Variants in HCFC2 observed in about 807,000 individuals in gnomAD.
HCFC2 encodes host cell factor 2.
A neutral mutation model predicts 89.2 loss-of-function variants in HCFC2; 18 were observed. That is an observed-to-expected ratio of 0.20 (90% CI 0.14 to 0.30). HCFC2 has a LOEUF of 0.30. Among genes scored for constraint, HCFC2 ranks in the 10% least tolerant of loss-of-function variants. HCFC2 has a pLI of 1.00. For missense variants in HCFC2, 578 were observed against 956.1 expected, an observed-to-expected ratio of 0.60 and a Z score of 5.21; for synonymous variants, 308 against 335.7, an observed-to-expected ratio of 0.92 and a Z score of 0.90.
intron 7 of HCFC2, among the ~76,000 whole-genome samples, chr12:104,084,296 G>A (rs1201280665): frequency 6.6e-6 from 1 of 152,190 alleles, no homozygotes; most frequent in Non-Finnish European, 1.5e-5. Flanking sequence ...TGAGATAGTG[G>A]TGTTAGGTAT....
intron 8 of HCFC2, among the ~76,000 whole-genome samples, chr12:104,087,413 G>A (rs1446977159): frequency 5.9e-4 from 3 of 5,082 alleles, no homozygotes; most frequent in African/African-American, 8.2e-4. Context: ...TGCAGTACGT[G>A]TGTGTGTGTG....
chr12:104,101,616 C>G (rs2029941349), intron 13 of HCFC2, among the ~76,000 whole-genome samples: 1 of 152,174 alleles, frequency 6.6e-6, no homozygotes, highest in Non-Finnish European at 1.5e-5. Flanking sequence ...ATTTCTGCTT[C>G]AAGATAAGTT....
rs761768406 is a variant in HCFC2 at position 104,103,001 on chromosome 12, C to G, written c.2107C>G (p.Pro703Ala). ...CCTTTCCTGGGAACCTCCAACCTCACCTTCTGGAAATATTTTGGAATATTC... is the reference window on the plus strand; with the variant it reads ...CCTTTCCTGGGAACCTCCAACCTCAGCTTCTGGAAATATTTTGGAATATTC... The part of the protein sequence containing the change: ...IHLSWEPPTS[P>A]SGNILEYSAY... Residue 703 changes from proline (P) to alanine (A), a missense_variant, in exon 15 of 15, where the codon CCT becomes GCT. Pro to Ala is a conservative substitution (Grantham distance 27, BLOSUM62 -1). Transcript: ENST00000229330. 6.2e-7 allele frequency: 1 copy of G among 1,612,418 alleles called. No homozygotes were observed.
At position 104,086,981 on chromosome 12, in the gene HCFC2, T is replaced by A. The variant is rs1409755178; in HGVS notation, c.1198T>A (p.Ser400Thr). The A allele has an allele frequency of 6.2e-7, 1 of 1,613,998 alleles. No homozygotes were observed. Among genetic ancestry groups the A allele is most frequent in the African/African-American group, 1.3e-5 (1 of 75,044 alleles). Residue 400 changes from serine to threonine, a missense_variant, in exon 8 of 15, where the codon TCA becomes ACA. By Grantham distance (58) the Ser-to-Thr change is moderately conservative. Around this residue, in one of 4 missense-constraint regions of HCFC2, gnomAD observed 210 missense variants for 251.7 expected, o/e 0.83. Transcript: ENST00000229330. ...TACAGACTTGCCATACCAAGCTGCA[T>A]CATCAGATTCTTCAGCAGCACCAAA... ...LSTDLPYQAASSDSSAAPNMQ... is the reference protein window; with the variant it reads ...LSTDLPYQAATSDSSAAPNMQ...
At chr12:104,079,242 G>C (rs545292272) in intron 3 of HCFC2, among the ~76,000 whole-genome samples, 3 of 152,258 alleles carry the variant, frequency 2.0e-5, no homozygotes, top group African/African-American at 7.2e-5. Context: ...TCACTACTGA[G>C]CCCCAGAAGA....
intron 9 of HCFC2, 22 bp downstream of exon 9, chr12:104,088,060 G>A (rs1883919532): frequency 6.4e-7 from 1 of 1,550,718 alleles, no homozygotes; most frequent in Non-Finnish European, 8.9e-7. Context: ...AGTGTATGAA[G>A]GTAATTGGAT....
In HCFC2 at chr12:104,068,765, T is replaced by C. The variant is rs1883227075; in HGVS notation, c.473+658T>C. On this transcript the variant is annotated intron_variant, in intron 3 of 14. Coordinates refer to ENST00000229330, the MANE Select transcript of HCFC2 (RefSeq NM_013320.3). This position sits in a 1 kb window ranked among gnomAD's most constrained non-coding sequence, Gnocchi z 4.1. ...TGGCACAGATTGTAAATAATGGGGC[T>C]ATCTACATTGTTGACCCCTATTATA... is the stretch of plus-strand genomic sequence containing the variant. 6.6e-6 allele frequency among the ~76,000 whole-genome samples: 1 copy of C among 152,228 alleles called. No individual in the cohort carries two copies. The highest frequency in any genetic ancestry group is 6.5e-5 in the Admixed American group (1 of 15,280).
chr12:104,071,406 C>A (rs1456511892), intron 3 of HCFC2, among the ~76,000 whole-genome samples: 1 of 152,182 alleles, frequency 6.6e-6, no homozygotes, highest in African/African-American at 2.4e-5. Context: ...CGGTTACATA[C>A]AATGCTTTTT....
At chr12:104,076,175 G>A (rs1293270126) in intron 3 of HCFC2, among the ~76,000 whole-genome samples, 1 of 152,170 alleles carries the variant, frequency 6.6e-6, no homozygotes, top group Non-Finnish European at 1.5e-5. Flanking sequence ...TTAGAGATGT[G>A]TTCTTGCTAT....
At position 104,096,488 on chromosome 12, in the gene HCFC2, A is replaced by G. The variant is rs949832193; in HGVS notation, c.1740+55A>G. ...TTTACACATGATTATGTACTTTTAAATGCTGAGCAACTTCTAAATAATTTC... is the reference window on the plus strand; with the variant it reads ...TTTACACATGATTATGTACTTTTAAGTGCTGAGCAACTTCTAAATAATTTC... On this transcript the variant is annotated intron_variant, in intron 12 of 14. Coordinates refer to ENST00000229330, the MANE Select transcript of HCFC2 (RefSeq NM_013320.3). The G allele has an allele frequency of 3.4e-6, 4 of 1,177,004 alleles. No individual in the cohort carries two copies. The African/African-American group carries it at 6.0e-5, about 18-fold the overall frequency. 72.9% of individuals were successfully genotyped at this position (1,177,004 alleles called of 1,614,324 possible). A position where few individuals can be genotyped will look rare whatever the true frequency, so the allele number is the denominator to read the frequency against.
chr12:104,075,578 C>T (rs183916942), intron 3 of HCFC2, among the ~76,000 whole-genome samples: 8 of 151,820 alleles, frequency 5.3e-5, no homozygotes, highest in African/African-American at 1.9e-4. Context: ...CCCACCTCAG[C>T]CTTCTGAGTA....
In HCFC2 at chr12:104,096,323, TATG is replaced by T. The variant is rs754074182; in HGVS notation, c.1667-36_1667-34del. 68 of 1,384,222 alleles carry T rather than the reference TATG, an allele frequency of 4.9e-5. 1 individual carries two copies. In the South Asian group the frequency reaches 9.1e-4, roughly 18 times the overall value. 85.7% of individuals were successfully genotyped at this position (1,384,222 alleles called of 1,614,324 possible). On this transcript the variant is annotated intron_variant, in intron 11 of 14. Coordinates refer to ENST00000229330, the MANE Select transcript of HCFC2 (RefSeq NM_013320.3). ...TTATATTTTAATGTATCTGATAAGT[TATG>T]TAAATCTTATCTGATAAATTGTTTA...
chr12:104,098,621 GTAAAATT>G, intron 13 of HCFC2, 141 bp downstream of exon 13: 1 of 776,434 alleles, frequency 1.3e-6, no homozygotes. Flanking sequence ...ACTTGAATGA[GTAAAATT>G]GGGATCCATC....
Position 104,066,113 on chromosome 12 carries a change from TATATG to T in HCFC2, c.164-50_164-46del. ...ATTGATGATATATATTTGCTGATAG[TATATG>T]ATAACCGTTGTTTGTTATAATCGGT... On this transcript the variant is annotated intron_variant, in intron 1 of 14. Transcript: ENST00000229330. 2.6e-6 allele frequency: 4 copies of T among 1,539,630 alleles called. No individual in the cohort carries two copies. The South Asian group carries it at 4.6e-5, about 18-fold the overall frequency.
At chr12:104,084,191 T>C (rs1593601373) in intron 7 of HCFC2, among the ~76,000 whole-genome samples, 1 of 152,300 alleles carries the variant, frequency 6.6e-6, no homozygotes, top group East Asian at 1.9e-4. Context: ...CACAAAGAAC[T>C]TACATTCTGA....
intron 5 of HCFC2, 50 bp downstream of exon 5, chr12:104,080,880 TAAG>T (rs1883662500): frequency 1.7e-6 from 2 of 1,171,958 alleles, no homozygotes; most frequent in Non-Finnish European, 2.5e-6. Context: ...AAAAACAACT[TAAG>T]AAGCACACAA....
intron 4 of HCFC2, among the ~76,000 whole-genome samples, chr12:104,080,034 A>T (rs1418083581): frequency 1.3e-5 from 2 of 152,196 alleles, no homozygotes; most frequent in Non-Finnish European, 1.5e-5. Flanking sequence ...AGCATTAACA[A>T]TGTTATTCGT....
intron 13 of HCFC2, among the ~76,000 whole-genome samples, chr12:104,099,335 A>G (rs758137588): frequency 4.3e-4 from 65 of 152,154 alleles, no homozygotes; most frequent in Non-Finnish European, 6.5e-4. Context: ...AAGGATTACA[A>G]TTCTACATGA....
Position 104,080,786 on chromosome 12 carries a change from G to A in HCFC2, c.723G>A (p.Val241=), listed in dbSNP as rs1320246417. ...CAAAACCAGAAACTAAAGGGACAGT[G>A]CCACTTCCACGAAGCCTTCATACAG... ...SWSKPETKGT[V]PLPRSLHTAS... Residue 241 remains valine (V), a synonymous_variant, in exon 5 of 15, where the codon GTG becomes GTA. Transcript: ENST00000229330. The A allele has an allele frequency of 4.3e-6, 7 of 1,610,258 alleles. No individual in the cohort carries two copies. The highest frequency in any genetic ancestry group is 3.3e-4 in the Middle Eastern group (2 of 6,050).
Sources: gnomAD v4.1 joint callset for allele counts (sites outside exome capture counted in the v4.1 genomes callset) on GRCh38, gnomAD v4.1.1 for gene constraint, gnomAD v4.1.1 regional missense constraint, Gnocchi (gnomAD v3.1) non-coding constraint, MANE v1.5 for transcripts, NCBI Gene and HGNC (gene_info 2026-07-23, HGNC 2026-07-21) for gene names.